MFSD1: variants seen among roughly 807,000 people sequenced by gnomAD.
MFSD1 encodes major facilitator superfamily domain containing 1, also known as lysosomal dipeptide transporter MFSD1.
Under a neutral mutation model 67.1 loss-of-function variants are expected in MFSD1, and 59 were observed. The observed-to-expected ratio is 0.88, with a 90% confidence interval of 0.71 to 1.09. The LOEUF is 1.09. MFSD1 is among the 50% of genes least tolerant of loss of function. The pLI, the probability that MFSD1 is intolerant of heterozygous loss-of-function variation, is 0.00. For missense variants in MFSD1, 552 were observed against 566.1 expected (o/e 0.97, Z 0.25); for synonymous variants, 213 against 200.3 (o/e 1.06, Z -0.54).
intron 3 of MFSD1, among the ~76,000 whole-genome samples, chr3:158,805,766 A>T (rs1009502862): frequency 2.0e-5 from 3 of 152,166 alleles, no homozygotes; most frequent in Non-Finnish European, 4.4e-5. Context: ...TATCGTTGCC[A>T]CTTTCTCATC....
At chr3:158,823,552 A>G (rs772184012) in intron 12 of MFSD1, 27 bp downstream of exon 12, 1 of 1,418,466 alleles carries the variant, frequency 7.0e-7, no homozygotes, top group Non-Finnish European at 1.0e-6. Flanking sequence ...TGGATCGTAT[A>G]TGTCTGTCTC....
Position 158,809,159 on chromosome 3 carries a change from T to TTTTTTTTTTTTTTTTTTTTTTTTTTTG in MFSD1, c.441-11_441-10insTTTTTTTTTTTTTTTTTGTTTTTTTTT. On this transcript the variant is annotated intron_variant, in intron 5 of 15. Coordinates refer to ENST00000415822, the MANE Select transcript of MFSD1 (RefSeq NM_022736.4). ...TTTAAAGTTGTGACTTCTGGTTTTT[T>TTTTTTTTTTTTTTTTTTTTTTTTTTTG]TTTTTTTTTCTATTTTTAGGATTGG... The TTTTTTTTTTTTTTTTTTTTTTTTTTTG allele has an allele frequency of 6.5e-7, 1 of 1,534,672 alleles. No individual in the cohort carries two copies. Among genetic ancestry groups the TTTTTTTTTTTTTTTTTTTTTTTTTTTG allele is most frequent in the Non-Finnish European group, 8.8e-7 (1 of 1,142,708 alleles).
At chr3:158,805,267 G>A in intron 2 of MFSD1, 95 bp from the exon 3 acceptor site, 1 of 991,160 alleles carries the variant, frequency 1.0e-6, no homozygotes, top group Non-Finnish European at 1.6e-6. Flanking sequence ...AAAGAAGAAT[G>A]TAACTACTTT....
At chr3:158,802,866 TTTA>T (rs1044660919) in intron 1 of MFSD1, among the ~76,000 whole-genome samples, 1 of 152,032 alleles carries the variant, frequency 6.6e-6, no homozygotes, top group Admixed American at 6.6e-5. Flanking sequence ...CACACCCGGC[TTTA>T]TTATTATTAT....
intron 7 of MFSD1, chr3:158,819,446 A>G (rs1027886450): frequency 9.6e-6 from 4 of 417,894 alleles, no homozygotes; most frequent in African/African-American, 8.2e-5. Context: ...TAATGCAGTA[A>G]AAGCTACTAC....
chr3:158,827,976 G>GAGAGAGAGAGAGAGAGAGACAGAGAGAC (rs1553759912), intron 15 of MFSD1, among the ~76,000 whole-genome samples: 1 of 78,874 alleles, frequency 1.3e-5, no homozygotes, highest in African/African-American at 4.9e-5. Context: ...GAGAGAGAGA[G>GAGAGAGAGAGAGAGAGAGACAGAGAGAC]AGACAGAGAT....
rs1215164734 is a variant in MFSD1 at position 158,805,354 on chromosome 3, T to A, written c.217-8T>A. 1 of 1,596,816 alleles carries A rather than the reference T, an allele frequency of 6.3e-7. No individual in the cohort carries two copies. ...GGAAAAAAATAGTTTTATTTTCTTT[T>A]CATATAGGATATGCAAGTGAATACC... On this transcript the variant is annotated splice_polypyrimidine_tract_variant and splice_region_variant and intron_variant, in intron 2 of 15. Coordinates refer to ENST00000415822, the MANE Select transcript of MFSD1 (RefSeq NM_022736.4).
intron 5 of MFSD1, among the ~76,000 whole-genome samples, chr3:158,807,698 A>C (rs545449304): frequency 6.6e-6 from 1 of 152,338 alleles, no homozygotes; most frequent in South Asian, 2.1e-4. Flanking sequence ...TTCTCTGGAA[A>C]TGATATTTTT....
At position 158,819,665 on chromosome 3, in the gene MFSD1, T is replaced by A; in HGVS notation, c.669T>A (p.Ile223=). Residue 223 remains isoleucine, a synonymous_variant, in exon 8 of 16, where the codon ATT becomes ATA. Coordinates refer to ENST00000415822, the MANE Select transcript of MFSD1 (RefSeq NM_022736.4). ...ITLMIGGITC[I]LSLICALALA... ...TTTATTTAGGGGGTATAACGTGTAT[T>A]CTTTCACTAATCTGTGCCTTGGCTC... The A allele has an allele frequency of 6.3e-7, 1 of 1,583,226 alleles. No individual in the cohort carries two copies. The highest frequency in any genetic ancestry group is 8.6e-7 in the Non-Finnish European group (1 of 1,157,310).
intron 7 of MFSD1, among the ~76,000 whole-genome samples, chr3:158,818,180 G>A (rs991639020): frequency 9.9e-5 from 15 of 152,140 alleles, no homozygotes; most frequent in Non-Finnish European, 1.6e-4. Flanking sequence ...TGAAAGTTCT[G>A]TGCCCAAGAT....
In MFSD1 at chr3:158,826,017, T is replaced by A. The variant is rs960598118; in HGVS notation, c.1291T>A (p.Ser431Thr). 1.5e-5 allele frequency: 24 copies of A among 1,612,594 alleles called. No individual in the cohort carries two copies. The Admixed American group carries it at 3.8e-4, about 26-fold the overall frequency. The change falls in exon 14 of 16, where the codon TCA becomes ACA. Residue 431 changes from serine (S) to threonine (T), a missense_variant and splice_region_variant. Transcript: ENST00000415822. ...EVFFIACVSLSLLSVVLLYLV... is the reference protein window; with the variant it reads ...EVFFIACVSLTLLSVVLLYLV... ...GCCCTATGTTTTTTCACTCCTAGTG[T>A]CACTTTTATCTGTGGTCTTACTCTA... is the stretch of plus-strand genomic sequence containing the variant.
chr3:158,825,756 G>C lies in MFSD1; in HGVS notation c.1289-259G>C, dbSNP rs531505361. Among the ~76,000 whole-genome samples, 4 of 152,310 alleles carry C rather than the reference G, an allele frequency of 2.6e-5. No individual in the cohort carries two copies. The South Asian group carries it at 8.3e-4, about 32-fold the overall frequency. On this transcript the variant is annotated intron_variant, in intron 13 of 15. Transcript: ENST00000415822. Reference sequence around the variant, plus strand: ...AGGGGCAGGGCTGGGCTGTGGCTGGGTCGGCTCCCTTTTTTCTAGGGGCCT... The same window carrying C: ...AGGGGCAGGGCTGGGCTGTGGCTGGCTCGGCTCCCTTTTTTCTAGGGGCCT...
chr3:158,802,176 G>T lies in MFSD1; in HGVS notation c.24G>T (p.Ala8=). Residue 8 remains alanine, a synonymous_variant, in exon 1 of 16, where the codon GCG becomes GCT. Transcript: ENST00000415822. ...CAATGGAGGAGGAGGATGAGGAAGC[G>T]CGGGCGCTCCTGGCAGGCGGCCCTG... MEEEDEE[A]RALLAGGPDE... The T allele has an allele frequency of 6.2e-7, 1 of 1,612,426 alleles. No homozygotes were observed. The highest frequency in any genetic ancestry group is 8.5e-7 in the Non-Finnish European group (1 of 1,179,594).
intron 13 of MFSD1, among the ~76,000 whole-genome samples, chr3:158,824,931 A>G (rs936111729): frequency 1.4e-4 from 21 of 152,198 alleles, no homozygotes; most frequent in African/African-American, 5.1e-4. Flanking sequence ...GCATTTTATT[A>G]TCTCATAAAT....
chr3:158,821,733 A>C, intron 10 of MFSD1, 80 bp downstream of exon 10: 1 of 1,239,374 alleles, frequency 8.1e-7, no homozygotes, highest in Non-Finnish European at 1.2e-6. Context: ...AGAAGCAAAA[A>C]AGATGTATGT....
rs372840729 is a variant in MFSD1 at position 158,802,150 on chromosome 3, G to T, written c.-3G>T. The T allele has an allele frequency of 6.2e-7, 1 of 1,612,382 alleles. No individual in the cohort carries two copies. Among genetic ancestry groups the T allele is most frequent in the Non-Finnish European group, 8.5e-7 (1 of 1,179,628 alleles). On this transcript the variant is annotated 5_prime_UTR_variant, in exon 1 of 16. Transcript: ENST00000415822. Reference sequence around the variant, plus strand: ...TTTCCCCTCTCCGTCTCCTGCGGGCGCAATGGAGGAGGAGGATGAGGAAGC... The same window carrying T: ...TTTCCCCTCTCCGTCTCCTGCGGGCTCAATGGAGGAGGAGGATGAGGAAGC...
Position 158,802,180 on chromosome 3 carries a change from G to T in MFSD1, c.28G>T (p.Ala10Ser). The change falls in exon 1 of 16, where the codon GCG (alanine) becomes TCG (serine). Residue 10 changes from alanine to serine, a missense_variant. Ala to Ser is a moderately conservative substitution (Grantham distance 99). Coordinates refer to ENST00000415822, the MANE Select transcript of MFSD1 (RefSeq NM_022736.4). MEEEDEEAR[A>S]LLAGGPDEAD... is the part of the protein sequence containing the mutation. Reference sequence around the variant, plus strand: ...GGAGGAGGAGGATGAGGAAGCGCGGGCGCTCCTGGCAGGCGGCCCTGACGA... The same window carrying T: ...GGAGGAGGAGGATGAGGAAGCGCGGTCGCTCCTGGCAGGCGGCCCTGACGA... 1 of 1,612,290 alleles carries T rather than the reference G, an allele frequency of 6.2e-7. No individual in the cohort carries two copies. The highest frequency in any genetic ancestry group is 1.7e-5 in the Admixed American group (1 of 59,918).
At chr3:158,810,877 A>T (rs115119115) in intron 6 of MFSD1, among the ~76,000 whole-genome samples, 229 of 152,280 alleles carry the variant, frequency 1.5e-3, no homozygotes, top group African/African-American at 5.2e-3. Context: ...GCCTATAAGG[A>T]TATTCCCAAA....
At chr3:158,827,151 G>T in intron 14 of MFSD1, 129 bp from the exon 15 acceptor site, 1 of 554,092 alleles carries the variant, frequency 1.8e-6, no homozygotes, top group Non-Finnish European at 3.1e-6. Flanking sequence ...CTTTTTCATC[G>T]TCGATAGCTT....
Sources: gnomAD v4.1 joint callset for allele counts (sites outside exome capture counted in the v4.1 genomes callset) on GRCh38, gnomAD v4.1.1 for gene constraint, MANE v1.5 for transcripts, NCBI Gene and HGNC (gene_info 2026-07-23, HGNC 2026-07-21) for gene names.